Variants in MICU3 observed in about 807,000 individuals in gnomAD.
The protein encoded by MICU3 is mitochondrial calcium uptake 3.
A neutral mutation model predicts 66.5 loss-of-function variants in MICU3; 62 were observed. That is an observed-to-expected ratio of 0.93 (90% confidence interval 0.76 to 1.15). The LOEUF is 1.15. MICU3 is among the 50% of genes most tolerant of loss of function. MICU3 has a pLI of 0.00. For missense variants in MICU3, 779 were observed against 664.4 expected (o/e 1.17, Z -1.90); for synonymous variants, 308 against 240.7 (o/e 1.28, Z -2.59).
At chr8:17,115,880 C>T (rs549779042) in intron 12 of MICU3, among the ~76,000 whole-genome samples, 8 of 152,246 alleles carry the variant, frequency 5.3e-5, no homozygotes, top group African/African-American at 1.9e-4. Flanking sequence ...CCCACCTCCC[C>T]GCCTGCCTTG....
At chr8:17,114,904 G>A (rs1027986144) in intron 12 of MICU3, among the ~76,000 whole-genome samples, 1 of 152,020 alleles carries the variant, frequency 6.6e-6, no homozygotes, top group African/African-American at 2.4e-5. Context: ...CGGATCACGA[G>A]GTCAGGAGAT....
Position 17,064,239 on chromosome 8 carries a change from T to C in MICU3, c.535+2T>C. Reference sequence around the variant, plus strand: ...CTGTTACAACAGATGAGCCCAAAGGTAAGTACACTTTTGAAATTATCTTAA... The same window carrying C: ...CTGTTACAACAGATGAGCCCAAAGGCAAGTACACTTTTGAAATTATCTTAA... On this transcript the variant is annotated splice_donor_variant, in intron 2 of 14. Coordinates refer to ENST00000318063, the MANE Select transcript of MICU3 (RefSeq NM_181723.3). LOFTEE classifies it high-confidence loss of function. The C allele has an allele frequency of 6.2e-7, 1 of 1,602,280 alleles. No individual in the cohort carries two copies. Among genetic ancestry groups the C allele is most frequent in the Non-Finnish European group, 8.5e-7 (1 of 1,174,848 alleles).
At chr8:17,059,602 A>G (rs1189043323) in intron 1 of MICU3, among the ~76,000 whole-genome samples, 1 of 152,204 alleles carries the variant, frequency 6.6e-6, no homozygotes, top group African/African-American at 2.4e-5. Flanking sequence ...CCTACTTAGC[A>G]AATCTGAGAA....
At chr8:17,133,331 C>G in the MICU3 span, among the ~76,000 whole-genome samples, 1 of 152,112 alleles carries the variant, frequency 6.6e-6, no homozygotes, top group Non-Finnish European at 1.5e-5. Flanking sequence ...ACATTTTTTG[C>G]TAACCATTAA....
chr8:17,109,577 G>C (rs980906584), intron 11 of MICU3, among the ~76,000 whole-genome samples: 1 of 152,188 alleles, frequency 6.6e-6, no homozygotes, highest in East Asian at 1.9e-4. Flanking sequence ...ATTTAGAGCC[G>C]TTTGTAGACT....
chr8:17,049,647 T>C (rs1270030245), intron 1 of MICU3: 2 of 517,950 alleles, frequency 3.9e-6, no homozygotes, highest in Non-Finnish European at 7.7e-6. Context: ...ACCCATATAC[T>C]TTCATTCCAA....
intron 8 of MICU3, among the ~76,000 whole-genome samples, chr8:17,092,145 G>A (rs1031160595): frequency 1.3e-5 from 2 of 151,922 alleles, no homozygotes; most frequent in Admixed American, 1.3e-4. Context: ...CAAAGTGCTG[G>A]GATTACACGC....
chr8:17,070,633 G>T (rs1819418010), intron 3 of MICU3, among the ~76,000 whole-genome samples: 1 of 131,826 alleles, frequency 7.6e-6, no homozygotes, highest in African/African-American at 2.5e-5. Flanking sequence ...TATTTTTATA[G>T]ATATGTTTTT....
rs553152696 is a variant in MICU3 at position 17,120,838 on chromosome 8, A to G, written c.*551A>G. ...GAAAAGAAATAGAAATTAAGCTACT[A>G]TATAAAACAATTGTTTACGTGTACT... On this transcript the variant is annotated 3_prime_UTR_variant, in exon 15 of 15. Coordinates refer to ENST00000318063, the MANE Select transcript of MICU3 (RefSeq NM_181723.3). 2 of 152,608 alleles carry G rather than the reference A, an allele frequency of 1.3e-5. No homozygotes were observed. Among genetic ancestry groups the G allele is most frequent in the Non-Finnish European group, 2.9e-5 (2 of 67,922 alleles). 9.5% of individuals were successfully genotyped at this position (152,608 alleles called of 1,614,324 possible).
chr8:17,027,726 C>T, intron 1 of MICU3, 66 bp downstream of exon 1: 1 of 1,256,018 alleles, frequency 8.0e-7, no homozygotes, highest in Non-Finnish European at 1.0e-6. Context: ...TACGCAGGAC[C>T]CTGGAGGCTG....
At chr8:17,073,960 G>A (rs1438723347) in intron 3 of MICU3, among the ~76,000 whole-genome samples, 1 of 152,026 alleles carries the variant, frequency 6.6e-6, no homozygotes. Flanking sequence ...GGTCCATGAA[G>A]TCAAAACTAT....
At chr8:17,062,827 T>A (rs558298936) in intron 1 of MICU3, among the ~76,000 whole-genome samples, 10 of 151,192 alleles carry the variant, frequency 6.6e-5, no homozygotes, top group African/African-American at 2.4e-4. Flanking sequence ...TGCAGTGAGC[T>A]GAGATCATGC....
intron 14 of MICU3, 44 bp downstream of exon 14, chr8:17,118,819 G>C (rs1802944544): frequency 9.0e-6 from 10 of 1,116,890 alleles, no homozygotes; most frequent in Non-Finnish European, 1.3e-5. Flanking sequence ...GTAACAATAG[G>C]GATCATAATT....
At chr8:17,042,786 C>T (rs550839260) in intron 1 of MICU3, among the ~76,000 whole-genome samples, 22 of 152,024 alleles carry the variant, frequency 1.4e-4, no homozygotes, top group African/African-American at 2.2e-4. Context: ...AAAAGAATTT[C>T]GAAACAATCC....
At chr8:17,111,778 C>T (rs1802225573) in intron 11 of MICU3, among the ~76,000 whole-genome samples, 1 of 152,128 alleles carries the variant, frequency 6.6e-6, no homozygotes, top group Admixed American at 6.5e-5. Flanking sequence ...GAAACAATTC[C>T]TTCCCCAATA....
chr8:17,118,760 A>G lies in MICU3; in HGVS notation c.1578A>G (p.Glu526=). The G allele has an allele frequency of 6.2e-7, 1 of 1,609,650 alleles. No homozygotes were observed. Among genetic ancestry groups the G allele is most frequent in the Non-Finnish European group, 8.5e-7 (1 of 1,176,274 alleles). The change falls in exon 14 of 15, where the codon GAA becomes GAG. Residue 526 remains glutamate (E), a synonymous_variant. Coordinates refer to ENST00000318063, the MANE Select transcript of MICU3 (RefSeq NM_181723.3). ...CTTTCAAATCCTGCCTGAAGAAAGA[A>G]CTTCACAGCAGATAAGTATGTTAGC... The part of the protein sequence containing the change: ...YPTFKSCLKK[E]LHSR
At chr8:17,087,953 C>T (rs1013109636) in intron 7 of MICU3, among the ~76,000 whole-genome samples, 4 of 152,016 alleles carry the variant, frequency 2.6e-5, no homozygotes, top group Non-Finnish European at 4.4e-5. Flanking sequence ...TTTAATTGTC[C>T]TACATAGAAT....
chr8:17,065,927 A>G (rs1339898879), intron 2 of MICU3, among the ~76,000 whole-genome samples: 1 of 152,186 alleles, frequency 6.6e-6, no homozygotes, highest in African/African-American at 2.4e-5. Context: ...TTTTAACAAG[A>G]AACTATGAGA....
At chr8:17,055,036 C>T (rs1226536815) in intron 1 of MICU3, among the ~76,000 whole-genome samples, 2 of 152,062 alleles carry the variant, frequency 1.3e-5, no homozygotes, top group East Asian at 3.9e-4. Context: ...CGTGCCCAGC[C>T]CCAAACGTTT....
Sources: allele counts gnomAD v4.1 joint callset (sites outside exome capture counted in the v4.1 genomes callset), GRCh38; gene constraint gnomAD v4.1.1; transcripts MANE v1.5; gene names NCBI Gene and HGNC (gene_info 2026-07-23, HGNC 2026-07-21).